The following PDZRN4 variants were observed in gnomAD, a reference collection of about 807,000 sequenced individuals.
The protein encoded by PDZRN4 is PDZ domain-containing RING finger protein 4.
Under a neutral mutation model 99.0 loss-of-function variants are expected in PDZRN4, and 70 were observed. That is an observed-to-expected ratio of 0.71 (90% confidence interval 0.58 to 0.86). The LOEUF is 0.86. Ranked by LOEUF, PDZRN4 falls within the 40% of genes least tolerant of loss-of-function variation. The probability of loss-of-function intolerance (pLI) is 0.00; values close to 1 mark genes in which losing one functional copy is unlikely to be tolerated. For synonymous variants in PDZRN4, 551 were observed against 501.6 expected, an observed-to-expected ratio of 1.10 and a Z score of -1.32; for missense variants, 1,474 against 1,331.2, an observed-to-expected ratio of 1.11 and a Z score of -1.67.
intron 5 of PDZRN4, among the ~76,000 whole-genome samples, chr12:41,535,228 A>G (rs1938728968): frequency 6.6e-6 from 1 of 152,178 alleles, no homozygotes. Flanking sequence ...GCTGGATCTC[A>G]CTCATGATGC....
intron 3 of PDZRN4, among the ~76,000 whole-genome samples, chr12:41,347,841 ATTCT>A (rs1449626241): frequency 6.6e-6 from 1 of 152,150 alleles, no homozygotes; most frequent in African/African-American, 2.4e-5. Flanking sequence ...CATAGACCTA[ATTCT>A]TTCTGGTTTG....
rs192047181 is a variant in PDZRN4 at position 41,301,380 on chromosome 12, T to C, written c.843+107192T>C. Among the ~76,000 whole-genome samples the C allele has an allele frequency of 3.9e-3, 591 of 152,184 alleles. 5 individuals are homozygous for C. Among genetic ancestry groups the C allele is most frequent in the African/African-American group, 0.013 (559 of 41,550 alleles). On this transcript the variant is annotated intron_variant, in intron 3 of 9. Coordinates refer to ENST00000402685, the MANE Select transcript of PDZRN4 (RefSeq NM_001164595.2). The stretch of plus-strand genomic sequence containing the variant: ...CAGAACAGTGGAATAACTGTATTAT[T>C]GCCATGATGAGGACTGTTGTTTCTA...
chr12:41,209,922 A>G (rs963479424), intron 3 of PDZRN4, among the ~76,000 whole-genome samples: 3 of 149,440 alleles, frequency 2.0e-5, no homozygotes, highest in African/African-American at 4.9e-5. Context: ...GAATCACCAC[A>G]CTGACTTCCA....
At chr12:41,447,863 T>C (rs755511066) in intron 3 of PDZRN4, among the ~76,000 whole-genome samples, 1 of 151,954 alleles carries the variant, frequency 6.6e-6, no homozygotes, top group Non-Finnish European at 1.5e-5. Context: ...ATCTGACATA[T>C]AGTAGGCACT....
chr12:41,312,436 C>G (rs930311777), intron 3 of PDZRN4, among the ~76,000 whole-genome samples: 2 of 152,166 alleles, frequency 1.3e-5, no homozygotes, highest in African/African-American at 4.8e-5. Flanking sequence ...TGTACATACT[C>G]TGCTCCTGAG....
At chr12:41,230,576 G>A (rs1350247765) in intron 3 of PDZRN4, among the ~76,000 whole-genome samples, 1 of 152,016 alleles carries the variant, frequency 6.6e-6, no homozygotes, top group African/African-American at 2.4e-5. Flanking sequence ...AGTTATACAT[G>A]CAATCTGTTA....
chr12:41,346,107 T>G (rs1951852193), intron 3 of PDZRN4, among the ~76,000 whole-genome samples: 2 of 152,164 alleles, frequency 1.3e-5, no homozygotes, highest in African/African-American at 2.4e-5. Flanking sequence ...GTCCAATGTT[T>G]CCTAGTTTAT....
At chr12:41,481,369 G>A (rs1233570378) in intron 3 of PDZRN4, among the ~76,000 whole-genome samples, 1 of 151,984 alleles carries the variant, frequency 6.6e-6, no homozygotes, top group East Asian at 1.9e-4. Context: ...TCTTTCTCAA[G>A]AATGAAGCTA....
rs147902454 is a variant in PDZRN4 at position 41,425,969 on chromosome 12, G to A, written c.844-80487G>A. ...CCTGTCTGGAGCTTAGTTGCTTACGGTTGAAATCTGTTTCATGAGGAGCAG... is the reference window on the plus strand; with the variant it reads ...CCTGTCTGGAGCTTAGTTGCTTACGATTGAAATCTGTTTCATGAGGAGCAG... On this transcript the variant is annotated intron_variant, in intron 3 of 9. Transcript: ENST00000402685. Among the ~76,000 whole-genome samples the A allele has an allele frequency of 7.6e-3, 1,163 of 152,252 alleles. 10 individuals carry two copies. Among genetic ancestry groups the A allele is most frequent in the Non-Finnish European group, 0.01 (699 of 68,004 alleles).
intron 3 of PDZRN4, among the ~76,000 whole-genome samples, chr12:41,402,115 GTATA>G (rs56031225): frequency 0.013 from 335 of 25,882 alleles, 48 homozygotes; most frequent in Non-Finnish European, 0.016. Context: ...TACACACTGA[GTATA>G]TATATATATA....
intron 3 of PDZRN4, among the ~76,000 whole-genome samples, chr12:41,428,974 T>G (rs1457414581): frequency 6.6e-6 from 1 of 152,112 alleles, no homozygotes; most frequent in Non-Finnish European, 1.5e-5. Context: ...TGCCTGAGAA[T>G]AGTCAGGCCA....
intron 5 of PDZRN4, among the ~76,000 whole-genome samples, chr12:41,540,305 A>G (rs1938825680): frequency 6.6e-6 from 1 of 152,212 alleles, no homozygotes; most frequent in African/African-American, 2.4e-5. Flanking sequence ...GACCATCAGA[A>G]CCTAGAAGAA....
chr12:41,289,419 T>C (rs1233155799), intron 3 of PDZRN4, among the ~76,000 whole-genome samples: 1 of 152,134 alleles, frequency 6.6e-6, no homozygotes, highest in Non-Finnish European at 1.5e-5. Context: ...TCTGAACTAG[T>C]CCAGAAAAAT....
chr12:41,247,816 G>A (rs933592345), intron 3 of PDZRN4, among the ~76,000 whole-genome samples: 1 of 152,088 alleles, frequency 6.6e-6, no homozygotes, highest in Non-Finnish European at 1.5e-5. Context: ...TCGAACATGG[G>A]TATTTGGAAA....
intron 3 of PDZRN4, among the ~76,000 whole-genome samples, chr12:41,440,719 C>T (rs1323472679): frequency 6.6e-6 from 1 of 152,166 alleles, no homozygotes; most frequent in Non-Finnish European, 1.5e-5. Flanking sequence ...ACCCAGTAAC[C>T]TTCACACCAT....
intron 3 of PDZRN4, among the ~76,000 whole-genome samples, chr12:41,344,515 A>G (rs2121021722): frequency 6.6e-6 from 1 of 151,388 alleles, no homozygotes; most frequent in African/African-American, 2.4e-5. Context: ...AACTATCTCT[A>G]GGACAGAAAA....
At chr12:41,417,727 G>A (rs1952456401) in intron 3 of PDZRN4, among the ~76,000 whole-genome samples, 1 of 152,186 alleles carries the variant, frequency 6.6e-6, no homozygotes, top group African/African-American at 2.4e-5. Flanking sequence ...TTCTCAGATA[G>A]GTGATGGTAT....
chr12:41,483,128 C>G (rs1937707652), intron 3 of PDZRN4, among the ~76,000 whole-genome samples: 1 of 151,862 alleles, frequency 6.6e-6, no homozygotes, highest in Admixed American at 6.6e-5. Flanking sequence ...TCCAGCTCAG[C>G]CTTTAAATAT....
chr12:41,540,560 T>C (rs1468272622), intron 5 of PDZRN4, among the ~76,000 whole-genome samples: 3 of 152,236 alleles, frequency 2.0e-5, no homozygotes, highest in South Asian at 4.1e-4. Context: ...GTTTGCACTA[T>C]ATTTTTTGCA....
Sources: gnomAD v4.1 joint callset for allele counts (sites outside exome capture counted in the v4.1 genomes callset) on GRCh38, gnomAD v4.1.1 for gene constraint, MANE v1.5 for transcripts, NCBI Gene and HGNC (gene_info 2026-07-23, HGNC 2026-07-21) for gene names.